SIPA1L3: variants seen among roughly 807,000 people sequenced by gnomAD.
The protein encoded by SIPA1L3 is signal-induced proliferation-associated 1-like protein 3.
SIPA1L3 carries 59 observed loss-of-function variants against 150.1 expected under a neutral mutation model. The observed-to-expected ratio is 0.39, with a 90% confidence interval of 0.32 to 0.49. SIPA1L3 has a LOEUF of 0.49. Among genes scored for constraint, SIPA1L3 ranks in the 20% least tolerant of loss-of-function variants. The probability of loss-of-function intolerance (pLI) is 0.86; values close to 1 mark genes in which losing one functional copy is unlikely to be tolerated. For missense variants in SIPA1L3, 2,211 were observed against 2,489.5 expected, an observed-to-expected ratio of 0.89 and a Z score of 2.38; for synonymous variants, 1,070 against 1,077.6, an observed-to-expected ratio of 0.99 and a Z score of 0.14.
chr19:38,173,906 A>G (rs1972383917), intron 15 of SIPA1L3, among the ~76,000 whole-genome samples: 1 of 149,464 alleles, frequency 6.7e-6, no homozygotes, highest in Admixed American at 6.6e-5. Flanking sequence ...CAGCTTCCGC[A>G]TGGCTGGAGC....
At chr19:38,126,905 A>T (rs1014913531) in intron 9 of SIPA1L3, among the ~76,000 whole-genome samples, 1 of 152,170 alleles carries the variant, frequency 6.6e-6, no homozygotes, top group African/African-American at 2.4e-5. Flanking sequence ...TAAGAACCCC[A>T]GTCTTGGCCG....
rs1018201412 is a variant in SIPA1L3 at position 38,176,925 on chromosome 19, C to G, written c.4209-5594C>G. On this transcript the variant is annotated intron_variant, in intron 15 of 21. Transcript: ENST00000222345. Reference sequence around the variant, plus strand: ...GGCGGAGGTTGCAGTGAGCCAAGATCATGCCATTGCACTCCAGCCTGGGCG... The same window carrying G: ...GGCGGAGGTTGCAGTGAGCCAAGATGATGCCATTGCACTCCAGCCTGGGCG... Among the ~76,000 whole-genome samples the G allele has an allele frequency of 2.7e-5, 4 of 150,198 alleles. No homozygotes were observed. In the South Asian group the frequency reaches 6.4e-4, roughly 24 times the overall value.
intron 2 of SIPA1L3, among the ~76,000 whole-genome samples, chr19:38,056,034 A>G (rs1969306710): frequency 6.6e-6 from 1 of 152,214 alleles, no homozygotes; most frequent in South Asian, 2.1e-4. Flanking sequence ...GAGTCTGAAC[A>G]GTGTGGGGGC....
At chr19:37,981,776 G>T (rs190576539) in intron 1 of SIPA1L3, among the ~76,000 whole-genome samples, 1 of 152,224 alleles carries the variant, frequency 6.6e-6, no homozygotes, top group East Asian at 1.9e-4. Context: ...GAGTTGCTCC[G>T]TGAGTATTTA....
chr19:37,946,529 A>G (rs1327594240), intron 1 of SIPA1L3, among the ~76,000 whole-genome samples: 1 of 152,192 alleles, frequency 6.6e-6, no homozygotes, highest in Non-Finnish European at 1.5e-5. Context: ...TTTATTGTAT[A>G]TGTATCTGTT....
chr19:38,169,027 C>T (rs1213884224), intron 15 of SIPA1L3, among the ~76,000 whole-genome samples: 1 of 152,030 alleles, frequency 6.6e-6, no homozygotes, highest in Admixed American at 6.6e-5. Context: ...GAGTTTGCAA[C>T]TCACCCCCTG....
intron 1 of SIPA1L3, among the ~76,000 whole-genome samples, chr19:38,013,879 C>G (rs1001446580): frequency 6.6e-6 from 1 of 152,244 alleles, no homozygotes; most frequent in Non-Finnish European, 1.5e-5. Flanking sequence ...GCACTGCTTG[C>G]TGGCCTGGAG....
intron 2 of SIPA1L3, among the ~76,000 whole-genome samples, chr19:38,070,186 T>A (rs1461959577): frequency 1.0e-5 from 1 of 97,818 alleles, no homozygotes; most frequent in Non-Finnish European, 1.9e-5. Flanking sequence ...ATAGTGATCT[T>A]CAGTCCTATC....
intron 1 of SIPA1L3, among the ~76,000 whole-genome samples, chr19:38,020,183 T>C (rs1234943066): frequency 6.6e-6 from 1 of 152,192 alleles, no homozygotes; most frequent in East Asian, 1.9e-4. Context: ...ACAATTTTTG[T>C]GGAGTAATTT....
In SIPA1L3 at chr19:38,099,989, G is replaced by A; in HGVS notation, c.1693G>A (p.Glu565Lys). 7.5e-6 allele frequency: 12 copies of A among 1,608,766 alleles called. No homozygotes were observed. The highest frequency in any genetic ancestry group is 1.0e-5 in the Non-Finnish European group (12 of 1,178,206). ...CATCACCCTGCGGGGCTCCATCCTG[G>A]AAGATGCTACGCCCACAGCCACCAA... ...ELITLRGSIL[E>K]DATPTATKHG... Residue 565 changes from glutamate (E) to lysine (K), a missense_variant, in exon 5 of 22, where the codon GAA becomes AAA. Physicochemically the swap from Glu to Lys is moderately conservative, Grantham distance 56 (BLOSUM62 1). Coordinates refer to ENST00000222345, the MANE Select transcript of SIPA1L3 (RefSeq NM_015073.3).
At chr19:37,981,422 CA>C (rs774199467) in intron 1 of SIPA1L3, among the ~76,000 whole-genome samples, 3,392 of 72,474 alleles carry the variant, frequency 0.047, 28 homozygotes, top group Non-Finnish European at 0.061. Context: ...GACCCTGTCT[CA>C]AAAAAAAAAA....
intron 1 of SIPA1L3, among the ~76,000 whole-genome samples, chr19:37,941,218 G>T (rs1255226600): frequency 6.6e-6 from 1 of 152,082 alleles, no homozygotes; most frequent in African/African-American, 2.4e-5. Flanking sequence ...CTGTATTGGT[G>T]TTAGTGGCCG....
chr19:37,986,679 A>G (rs183147431), intron 1 of SIPA1L3, among the ~76,000 whole-genome samples: 2 of 152,286 alleles, frequency 1.3e-5, no homozygotes, highest in Non-Finnish European at 2.9e-5. Context: ...CACGAACCCT[A>G]TTAGAATCAG....
At chr19:38,129,336 T>C (rs986411522) in intron 9 of SIPA1L3, among the ~76,000 whole-genome samples, 1 of 151,902 alleles carries the variant, frequency 6.6e-6, no homozygotes, top group Non-Finnish European at 1.5e-5. Flanking sequence ...CCAAGAATGG[T>C]GTCACGAGGC....
At chr19:38,176,688 T>G (rs1972441541) in intron 15 of SIPA1L3, among the ~76,000 whole-genome samples, 1 of 152,134 alleles carries the variant, frequency 6.6e-6, no homozygotes, top group Non-Finnish European at 1.5e-5. Flanking sequence ...ACATACCACT[T>G]AGGCCAGGCA....
At chr19:38,104,873 G>A (rs1310261160) in intron 6 of SIPA1L3, among the ~76,000 whole-genome samples, 1 of 151,830 alleles carries the variant, frequency 6.6e-6, no homozygotes, top group Admixed American at 6.6e-5. Flanking sequence ...GCCTGGCCAG[G>A]AAGTGGGTTC....
At chr19:37,987,279 G>A (rs368384223) in intron 1 of SIPA1L3, among the ~76,000 whole-genome samples, 8 of 152,030 alleles carry the variant, frequency 5.3e-5, no homozygotes, top group South Asian at 2.1e-4. Context: ...GCTGTTTCCC[G>A]GACCTTAGGT....
chr19:38,002,869 G>T (rs1967841831), intron 1 of SIPA1L3, among the ~76,000 whole-genome samples: 6 of 151,896 alleles, frequency 4.0e-5, no homozygotes, highest in Admixed American at 3.9e-4. Flanking sequence ...TGCTGGCAGG[G>T]CACAGTGGCT....
chr19:38,076,912 A>G (rs561701534), intron 2 of SIPA1L3, among the ~76,000 whole-genome samples: 24 of 152,356 alleles, frequency 1.6e-4, no homozygotes, highest in South Asian at 6.2e-4. Flanking sequence ...TGCAGCTTCT[A>G]TGTGGGTACA....
Sources: gnomAD v4.1 joint callset for allele counts (sites outside exome capture counted in the v4.1 genomes callset) on GRCh38, gnomAD v4.1.1 for gene constraint, MANE v1.5 for transcripts, NCBI Gene and HGNC (gene_info 2026-07-23, HGNC 2026-07-21) for gene names.